Variants in SNX29 observed in about 807,000 individuals in gnomAD.
SNX29 encodes sorting nexin 29.
SNX29 carries 78 observed loss-of-function variants against 102.1 expected under a neutral mutation model. That is an observed-to-expected ratio of 0.76 (90% confidence interval 0.64 to 0.92). SNX29 has a LOEUF of 0.92. Ranked by LOEUF, SNX29 falls within the 40% of genes least tolerant of loss-of-function variation. SNX29 has a pLI of 0.00. For synonymous variants in SNX29, 580 were observed against 414.5 expected, an observed-to-expected ratio of 1.40 and a Z score of -4.85; for missense variants, 1,280 against 1,061.7, an observed-to-expected ratio of 1.21 and a Z score of -2.86.
chr16:12,133,218 C>G (rs1269031513), intron 13 of SNX29, among the ~76,000 whole-genome samples: 2 of 149,162 alleles, frequency 1.3e-5, no homozygotes, highest in Non-Finnish European at 3.0e-5. Context: ...GGCTCTCCTG[C>G]TTACTAGTTG....
chr16:12,066,471 G>T (rs17805158), intron 9 of SNX29, among the ~76,000 whole-genome samples: 43,772 of 152,046 alleles, frequency 0.29, 7,515 homozygotes, highest in Non-Finnish European at 0.39. Context: ...GGCACAGCGG[G>T]GTATCCCAGT....
At chr16:12,039,486 G>A (rs2057568604) in intron 4 of SNX29, among the ~76,000 whole-genome samples, 1 of 152,168 alleles carries the variant, frequency 6.6e-6, no homozygotes, top group Non-Finnish European at 1.5e-5. Context: ...CAGCTCCCAG[G>A]AAGAATGCAG....
chr16:12,542,594 A>C (rs1381258685), intron 20 of SNX29, among the ~76,000 whole-genome samples: 1 of 152,200 alleles, frequency 6.6e-6, no homozygotes, highest in Non-Finnish European at 1.5e-5. Flanking sequence ...AGCCTCCCAA[A>C]GTGCTGGGAT....
chr16:12,464,763 T>G (rs1392718936), intron 18 of SNX29, among the ~76,000 whole-genome samples: 1 of 152,252 alleles, frequency 6.6e-6, no homozygotes, highest in Non-Finnish European at 1.5e-5. Context: ...TCTTATTTTC[T>G]TTAGATATAT....
chr16:12,295,708 C>T (rs1831061329), intron 15 of SNX29, among the ~76,000 whole-genome samples: 1 of 152,184 alleles, frequency 6.6e-6, no homozygotes. Context: ...GTCACACAGG[C>T]AACTCTCTGC....
At chr16:12,335,113 G>C (rs2081408371) in intron 15 of SNX29, among the ~76,000 whole-genome samples, 1 of 151,886 alleles carries the variant, frequency 6.6e-6, no homozygotes, top group Admixed American at 6.6e-5. Context: ...AGGACACTTA[G>C]CAGCACTTCC....
intron 15 of SNX29, among the ~76,000 whole-genome samples, chr16:12,288,103 G>C (rs984437640): frequency 6.6e-6 from 1 of 152,182 alleles, no homozygotes; most frequent in African/African-American, 2.4e-5. Context: ...TGGGAAGATT[G>C]CTTGAGTCCA....
intron 19 of SNX29, among the ~76,000 whole-genome samples, chr16:12,523,275 A>T (rs758529908): frequency 1.3e-5 from 2 of 152,210 alleles, no homozygotes; most frequent in African/African-American, 2.4e-5. Flanking sequence ...TGGGCGAGGT[A>T]CCGAGGCCCA....
Position 12,564,584 on chromosome 16 carries a change from C to G in SNX29, c.2319-3922C>G, listed in dbSNP as rs542131085. On this transcript the variant is annotated intron_variant, in intron 20 of 20. Transcript: ENST00000566228. ...CTTATGGATTGCCATCCAGACGCCC[C>G]TTTTTCTTGTTTGTGAAACTGTAAC... Among the ~76,000 whole-genome samples the G allele has an allele frequency of 2.0e-5, 3 of 152,292 alleles. No individual in the cohort carries two copies. The South Asian group carries it at 6.2e-4, about 32-fold the overall frequency.
Position 12,061,552 on chromosome 16 carries a change from C to T in SNX29, c.1149C>T (p.Leu383=), listed in dbSNP as rs1415349024. 4.4e-6 allele frequency: 7 copies of T among 1,608,368 alleles called. No individual in the cohort carries two copies. In the African/African-American group the frequency reaches 5.3e-5, roughly 12 times the overall value. ...PEKPLEGNTC[L]SQMHSWAPLK... ...GGCCACTGGAAGGGAACACCTGCCTCTCCCAGATGCACAGCTGGGCTCCGC... is the reference window on the plus strand; with the variant it reads ...GGCCACTGGAAGGGAACACCTGCCTTTCCCAGATGCACAGCTGGGCTCCGC... The change falls in exon 9 of 21, where the codon CTC becomes CTT. Residue 383 remains leucine, a synonymous_variant. Coordinates refer to ENST00000566228, the MANE Select transcript of SNX29 (RefSeq NM_032167.5).
chr16:12,383,985 T>C (rs2083267146), intron 16 of SNX29, among the ~76,000 whole-genome samples: 1 of 152,176 alleles, frequency 6.6e-6, no homozygotes, highest in Admixed American at 6.5e-5. Context: ...TGTCTTTCTG[T>C]GCTTGTTGTA....
intron 3 of SNX29, among the ~76,000 whole-genome samples, chr16:12,023,546 C>G (rs1460528553): frequency 1.3e-5 from 2 of 150,296 alleles, no homozygotes; most frequent in Admixed American, 6.7e-5. Flanking sequence ...CCACCGCACT[C>G]CAGCCTGGGT....
At position 12,465,038 on chromosome 16, in the gene SNX29, G is replaced by A. The variant is rs532743632; in HGVS notation, c.2038-12681G>A. Among the ~76,000 whole-genome samples the A allele has an allele frequency of 3.9e-4, 59 of 152,272 alleles. No homozygotes were observed. In the South Asian group the frequency reaches 0.012, roughly 30 times the overall value. Reference sequence around the variant, plus strand: ...CTTTTCATCTACTTGTAGGCTATGTGTGTCTTCTTTGGAAAAATGTCTGTT... The same window carrying A: ...CTTTTCATCTACTTGTAGGCTATGTATGTCTTCTTTGGAAAAATGTCTGTT... On this transcript the variant is annotated intron_variant, in intron 18 of 20. Transcript: ENST00000566228.
chr16:11,981,945 C>T (rs1481107768), intron 1 of SNX29, among the ~76,000 whole-genome samples: 1 of 151,876 alleles, frequency 6.6e-6, no homozygotes, highest in African/African-American at 2.4e-5. Flanking sequence ...TTGCTCACGC[C>T]TGTAATCTGA....
intron 14 of SNX29, among the ~76,000 whole-genome samples, chr16:12,254,193 C>A (rs1186808638): frequency 6.6e-6 from 1 of 152,086 alleles, no homozygotes; most frequent in Non-Finnish European, 1.5e-5. Flanking sequence ...ATCAAGAGTT[C>A]AGTTAGTATG....
At chr16:12,017,339 C>T (rs1175886988) in intron 3 of SNX29, among the ~76,000 whole-genome samples, 3 of 152,098 alleles carry the variant, frequency 2.0e-5, no homozygotes, top group Non-Finnish European at 4.4e-5. Context: ...ATTTATTGGC[C>T]AACTGTATTT....
intron 14 of SNX29, among the ~76,000 whole-genome samples, chr16:12,259,230 A>G (rs1723958544): frequency 6.6e-6 from 1 of 152,150 alleles, no homozygotes; most frequent in Non-Finnish European, 1.5e-5. Context: ...CTCCTTCTCA[A>G]CGTGGGGAAA....
chr16:12,138,206 C>CTTTTT (rs58229550), intron 13 of SNX29, among the ~76,000 whole-genome samples: 10 of 123,010 alleles, frequency 8.1e-5, no homozygotes, highest in African/African-American at 2.5e-4. Context: ...ATTTGTCACT[C>CTTTTT]TTTTTTTTTT....
intron 11 of SNX29, among the ~76,000 whole-genome samples, chr16:12,097,742 T>TAACC (rs1272992273): frequency 1.3e-5 from 2 of 152,194 alleles, no homozygotes; most frequent in East Asian, 3.8e-4. Flanking sequence ...GCAGCTTATG[T>TAACC]AACCGTTTGA....
Sources: allele counts gnomAD v4.1 joint callset (sites outside exome capture counted in the v4.1 genomes callset), GRCh38; gene constraint gnomAD v4.1.1; transcripts MANE v1.5; gene names NCBI Gene and HGNC (gene_info 2026-07-23, HGNC 2026-07-21).